Variants in NEDD4 observed in about 807,000 individuals in gnomAD.
The protein encoded by NEDD4 is NEDD4 E3 ubiquitin protein ligase.
A neutral mutation model predicts 144.9 loss-of-function variants in NEDD4; 99 were observed. That is an observed-to-expected ratio of 0.68 (90% CI 0.58 to 0.81). NEDD4 has a LOEUF of 0.81. Ranked by LOEUF, NEDD4 falls within the 30% of genes least tolerant of loss-of-function variation. The pLI is 0.00. For synonymous variants in NEDD4, 318 were observed against 350.6 expected, an observed-to-expected ratio of 0.91 and a Z score of 1.04; for missense variants, 985 against 1,065.9, an observed-to-expected ratio of 0.92 and a Z score of 1.06.
intron 5 of NEDD4, among the ~76,000 whole-genome samples, chr15:55,880,699 C>G (rs553920883): frequency 6.6e-6 from 1 of 152,144 alleles, no homozygotes; most frequent in South Asian, 2.1e-4. Context: ...GAAAGGAAGT[C>G]TCAGAGTAAC....
intron 5 of NEDD4, among the ~76,000 whole-genome samples, chr15:55,909,778 G>A (rs188797924): frequency 1.3e-5 from 2 of 152,262 alleles, no homozygotes; most frequent in Admixed American, 1.3e-4. Context: ...GTAAGAAGCC[G>A]GCAACATAGA....
chr15:55,905,473 G>A (rs529291727), intron 5 of NEDD4, among the ~76,000 whole-genome samples: 1 of 152,220 alleles, frequency 6.6e-6, no homozygotes, highest in Non-Finnish European at 1.5e-5. Context: ...GATATCTGGA[G>A]GGAAATGTCC....
At chr15:55,988,487 T>TAAAAAAAAAAAAAAAAAAAAAA (rs56688563) in intron 1 of NEDD4, among the ~76,000 whole-genome samples, 16 of 101,678 alleles carry the variant, frequency 1.6e-4, no homozygotes, top group Admixed American at 2.2e-4. Flanking sequence ...AAAAAAAAAT[T>TAAAAAAAAAAAAAAAAAAAAAA]AAAAAAAAAA....
intron 4 of NEDD4, among the ~76,000 whole-genome samples, chr15:55,935,651 T>C (rs2036871864): frequency 6.6e-6 from 1 of 151,852 alleles, no homozygotes; most frequent in African/African-American, 2.4e-5. Context: ...ATCGAGACCA[T>C]CCTGGCTAAC....
At chr15:55,990,766 A>T (rs1349639797) in intron 1 of NEDD4, among the ~76,000 whole-genome samples, 2 of 152,182 alleles carry the variant, frequency 1.3e-5, no homozygotes, top group Non-Finnish European at 2.9e-5. Context: ...GTGATGCTCA[A>T]TTCCAGTCCC....
intron 5 of NEDD4, among the ~76,000 whole-genome samples, chr15:55,923,112 A>T (rs2036599670): frequency 1.3e-5 from 2 of 152,130 alleles, no homozygotes; most frequent in Non-Finnish European, 2.9e-5. Flanking sequence ...TGAACCTGGG[A>T]GGCAGAGGTT....
intron 5 of NEDD4, chr15:55,924,289 G>C: frequency 4.9e-6 from 1 of 203,290 alleles, no homozygotes; most frequent in East Asian, 1.1e-4. Context: ...AGGCGCAACT[G>C]AAGGATACCC....
At chr15:55,847,843 ATTT>A (rs1289094530) in intron 17 of NEDD4, among the ~76,000 whole-genome samples, 15 of 149,912 alleles carry the variant, frequency 1.0e-4, no homozygotes, top group Non-Finnish European at 1.9e-4. Flanking sequence ...TGCCCAACTA[ATTT>A]TTTTTGCATT....
At chr15:55,966,990 G>A (rs570983126) in intron 1 of NEDD4, among the ~76,000 whole-genome samples, 32 of 152,144 alleles carry the variant, frequency 2.1e-4, no homozygotes, top group African/African-American at 7.2e-4. Flanking sequence ...CGGTTCAAGC[G>A]ATTCTCATGC....
intron 1 of NEDD4, among the ~76,000 whole-genome samples, chr15:55,990,080 G>A (rs927118842): frequency 4.0e-5 from 6 of 151,396 alleles, no homozygotes; most frequent in Non-Finnish European, 7.4e-5. Context: ...TCCCATTACC[G>A]TCACCCACAC....
At chr15:55,856,097 T>C (rs767814306) in intron 12 of NEDD4, 34 bp downstream of exon 12, 8 of 1,571,156 alleles carry the variant, frequency 5.1e-6, no homozygotes, top group Non-Finnish European at 7.0e-6. Flanking sequence ...GAGTTTTATA[T>C]TTTTATTGAT....
At chr15:55,945,128 G>A (rs112718968) in intron 4 of NEDD4, among the ~76,000 whole-genome samples, 6 of 152,030 alleles carry the variant, frequency 3.9e-5, no homozygotes, top group Admixed American at 2.6e-4. Flanking sequence ...GCAGCCCCTC[G>A]CCAGCAACAG....
chr15:55,869,705 C>T, intron 7 of NEDD4, 24 bp from the exon 8 acceptor site: 2 of 1,397,738 alleles, frequency 1.4e-6, no homozygotes, highest in Non-Finnish European at 2.0e-6. Flanking sequence ...AATAAATATT[C>T]ATAAAACTTT....
At position 55,989,001 on chromosome 15, in the gene NEDD4, C is replaced by A. The variant is rs2037944186; in HGVS notation, c.45+4510G>T. On this transcript the variant is annotated intron_variant, in intron 1 of 28. Coordinates refer to ENST00000435532, the MANE Select transcript of NEDD4 (RefSeq NM_006154.4). ...CTATAATCCCAGCACTTTGGAAGGC[C>A]GAGGCAGGCGGATCATCTGAGGTCA... Among the ~76,000 whole-genome samples, 3 of 152,070 alleles carry A rather than the reference C, an allele frequency of 2.0e-5. No individual in the cohort carries two copies. In the South Asian group the frequency reaches 6.2e-4, roughly 32 times the overall value.
chr15:55,902,572 G>A (rs1381991684), intron 5 of NEDD4, among the ~76,000 whole-genome samples: 1 of 152,088 alleles, frequency 6.6e-6, no homozygotes, highest in Non-Finnish European at 1.5e-5. Flanking sequence ...AACGGGATGA[G>A]GCATACATAG....
intron 19 of NEDD4, among the ~76,000 whole-genome samples, chr15:55,841,352 G>C (rs914519424): frequency 1.3e-5 from 2 of 152,208 alleles, no homozygotes; most frequent in African/African-American, 4.8e-5. Flanking sequence ...GAAATGAGCT[G>C]GTCACAAAAA....
intron 1 of NEDD4, among the ~76,000 whole-genome samples, chr15:55,974,029 TTAAC>T (rs2037658803): frequency 6.6e-6 from 1 of 151,782 alleles, no homozygotes; most frequent in South Asian, 2.1e-4. Context: ...AGAAAAAACT[TTAAC>T]TAGACTAAGG....
intron 12 of NEDD4, among the ~76,000 whole-genome samples, chr15:55,853,917 G>T (rs1207887296): frequency 6.6e-6 from 1 of 152,160 alleles, no homozygotes; most frequent in South Asian, 2.1e-4. Flanking sequence ...CTTGAACCGG[G>T]AGGCAGAGGT....
chr15:55,904,859 G>A (rs2036033807), intron 5 of NEDD4, among the ~76,000 whole-genome samples: 1 of 152,038 alleles, frequency 6.6e-6, no homozygotes, highest in Admixed American at 6.6e-5. Flanking sequence ...TTGGGAGGCC[G>A]AGGTGGGTGG....
Sources: allele counts gnomAD v4.1 joint callset (sites outside exome capture counted in the v4.1 genomes callset), GRCh38; gene constraint gnomAD v4.1.1; transcripts MANE v1.5; gene names NCBI Gene and HGNC (gene_info 2026-07-23, HGNC 2026-07-21).